IL1RAPL1: variants seen among roughly 807,000 people sequenced by gnomAD.
The protein encoded by IL1RAPL1 is interleukin 1 receptor accessory protein like 1.
A neutral mutation model predicts 48.4 loss-of-function variants in IL1RAPL1; 3 were observed. The ratio of observed to expected loss-of-function variants is 0.06; its 90% CI spans 0.03 to 0.16. The LOEUF is 0.16. IL1RAPL1 is among the 10% of genes least tolerant of loss of function. IL1RAPL1 has a pLI of 1.00. For synonymous variants in IL1RAPL1, 185 were observed against 187.7 expected, an observed-to-expected ratio of 0.99 and a Z score of 0.12; for missense variants, 349 against 530.6, an observed-to-expected ratio of 0.66 and a Z score of 3.36.
At chrX:29,012,972 A>G (rs55859246) in intron 2 of IL1RAPL1, among the ~76,000 whole-genome samples, 2,492 of 111,925 alleles carry the variant, frequency 0.022, 62 homozygotes, top group African/African-American at 0.076. Flanking sequence ...GCATTTCATT[A>G]AAGAATTGTA....
At position 29,890,431 on chromosome X, in the gene IL1RAPL1, A is replaced by G. The variant is rs1932253959; in HGVS notation, c.779-27033A>G. On this transcript the variant is annotated intron_variant, in intron 6 of 10. Coordinates refer to ENST00000378993, the MANE Select transcript of IL1RAPL1 (RefSeq NM_014271.4). ...CCAGGCTGCAGTGGTTGGGGTATGG[A>G]GAGTGAAGAACTTTTTGAATAAGGC... 2.7e-5 allele frequency among the ~76,000 whole-genome samples: 3 copies of G among 112,015 alleles called. No individual in the cohort carries two copies. The Admixed American group carries it at 2.9e-4, about 11-fold the overall frequency.
At chrX:29,551,178 C>T (rs773313447) in intron 5 of IL1RAPL1, among the ~76,000 whole-genome samples, 1 of 112,002 alleles carries the variant, frequency 8.9e-6, no homozygotes, top group African/African-American at 3.2e-5. Flanking sequence ...TATTCCATTG[C>T]GTATATATAC....
chrX:29,455,811 T>TA (rs747680128), intron 5 of IL1RAPL1, among the ~76,000 whole-genome samples: 3 of 111,987 alleles, frequency 2.7e-5, no homozygotes, highest in African/African-American at 9.7e-5. Flanking sequence ...ATTTTCCATT[T>TA]AAAAGTAGTT....
chrX:28,938,530 A>G (rs1212871947), intron 2 of IL1RAPL1, among the ~76,000 whole-genome samples: 1 of 111,748 alleles, frequency 8.9e-6, no homozygotes, highest in African/African-American at 3.2e-5. Context: ...CTCAAGATGC[A>G]TTAATGACTT....
intron 5 of IL1RAPL1, among the ~76,000 whole-genome samples, chrX:29,474,738 A>T (rs1934955523): frequency 8.9e-6 from 1 of 111,795 alleles, no homozygotes; most frequent in Admixed American, 9.5e-5. Flanking sequence ...CACCAAGAGG[A>T]TGTTGCTAAA....
Position 28,802,241 on chromosome X carries a change from T to C in IL1RAPL1, c.82+12816T>C, listed in dbSNP as rs182448840. Among the ~76,000 whole-genome samples the C allele has an allele frequency of 1.9e-4, 21 of 112,544 alleles. No homozygotes were observed. The East Asian group carries it at 5.8e-3, about 31-fold the overall frequency. On this transcript the variant is annotated intron_variant, in intron 2 of 10. Transcript: ENST00000378993. ...CTTCTCCTTGCATGTGGTGATGTGA[T>C]TAAGTAAAATTTGGTTTGTCAGTTT...
At chrX:29,063,972 A>C (rs1927396215) in intron 2 of IL1RAPL1, among the ~76,000 whole-genome samples, 1 of 111,943 alleles carries the variant, frequency 8.9e-6, no homozygotes, top group Admixed American at 9.5e-5. Context: ...GACTTTCTAC[A>C]AACTGCCACA....
At chrX:29,143,546 G>T (rs1280678871) in intron 2 of IL1RAPL1, among the ~76,000 whole-genome samples, 1 of 111,399 alleles carries the variant, frequency 9.0e-6, no homozygotes, top group Admixed American at 9.5e-5. Context: ...TCCTGTCCAG[G>T]ACATGAATCA....
At chrX:29,497,509 GT>G (rs772898008) in intron 5 of IL1RAPL1, among the ~76,000 whole-genome samples, 1 of 110,754 alleles carries the variant, frequency 9.0e-6, no homozygotes, top group Non-Finnish European at 1.9e-5. Context: ...TCACTTTTTT[GT>G]TAAGAATATT....
intron 2 of IL1RAPL1, among the ~76,000 whole-genome samples, chrX:29,158,009 A>G (rs1929601418): frequency 8.9e-6 from 1 of 111,759 alleles, no homozygotes; most frequent in Admixed American, 9.5e-5. Flanking sequence ...TAGAAGGAAG[A>G]GAATAAAGGA....
chrX:28,905,049 A>G (rs1372629320), intron 2 of IL1RAPL1, among the ~76,000 whole-genome samples: 1 of 110,876 alleles, frequency 9.0e-6, no homozygotes, highest in Non-Finnish European at 1.9e-5. Flanking sequence ...TTTTTCTTAC[A>G]TTTAGTTTTG....
chrX:29,672,722 C>G (rs5971651), intron 6 of IL1RAPL1, among the ~76,000 whole-genome samples: 28,516 of 111,212 alleles, frequency 0.26, 4,812 homozygotes, highest in African/African-American at 0.62. Context: ...ACAATAAGTT[C>G]TTCACAGCAC....
chrX:29,327,033 G>A (rs1932846902), intron 3 of IL1RAPL1, among the ~76,000 whole-genome samples: 1 of 111,367 alleles, frequency 9.0e-6, no homozygotes, highest in African/African-American at 3.3e-5. Flanking sequence ...AAACCCTAGA[G>A]GTTGCAATAC....
At chrX:29,134,287 T>G (rs1227004893) in intron 2 of IL1RAPL1, among the ~76,000 whole-genome samples, 1 of 111,786 alleles carries the variant, frequency 8.9e-6, no homozygotes, top group African/African-American at 3.2e-5. Flanking sequence ...TCTTCCGAAG[T>G]GACTGTACCA....
At chrX:29,260,413 G>A (rs188905275) in intron 2 of IL1RAPL1, among the ~76,000 whole-genome samples, 8 of 112,091 alleles carry the variant, frequency 7.1e-5, no homozygotes, top group Admixed American at 1.9e-4. Context: ...CAAATGAGGA[G>A]CAAAGTCATG....
Position 28,818,712 on chromosome X carries a change from A to G in IL1RAPL1, c.82+29287A>G, listed in dbSNP as rs144364063. On this transcript the variant is annotated intron_variant, in intron 2 of 10. Coordinates refer to ENST00000378993, the MANE Select transcript of IL1RAPL1 (RefSeq NM_014271.4). ...TCTGTATGTAAAATAGGTTAACTTT[A>G]TTTAAAAGGTCTCATGAAATTTTTA... 4.4e-3 allele frequency among the ~76,000 whole-genome samples: 489 copies of G among 110,441 alleles called. 1 individual carries two copies. Among genetic ancestry groups the G allele is most frequent in the African/African-American group, 0.015 (465 of 30,593 alleles).
At chrX:29,864,993 AG>A (rs1569188703) in intron 6 of IL1RAPL1, among the ~76,000 whole-genome samples, 1 of 112,187 alleles carries the variant, frequency 8.9e-6, no homozygotes, top group East Asian at 2.8e-4. Context: ...GCCTGAAGTC[AG>A]ATTAAAACAC....
chrX:29,484,970 T>C (rs1935081475), intron 5 of IL1RAPL1, among the ~76,000 whole-genome samples: 1 of 112,016 alleles, frequency 8.9e-6, no homozygotes, highest in African/African-American at 3.2e-5. Context: ...TAAATGCCTG[T>C]ACAATCACTA....
At chrX:28,809,900 G>A (rs562802482) in intron 2 of IL1RAPL1, among the ~76,000 whole-genome samples, 2 of 107,652 alleles carry the variant, frequency 1.9e-5, no homozygotes, top group East Asian at 2.9e-4. Context: ...AGACTGGTTC[G>A]GGTACAGTTT....
Sources: allele counts gnomAD v4.1 joint callset (sites outside exome capture counted in the v4.1 genomes callset), GRCh38; gene constraint gnomAD v4.1.1; transcripts MANE v1.5; gene names NCBI Gene and HGNC (gene_info 2026-07-23, HGNC 2026-07-21).